NOX4: variants seen among roughly 807,000 people sequenced by gnomAD.
NOX4 encodes NADPH oxidase 4, also known as kidney oxidase-1.
Under a neutral mutation model 87.6 loss-of-function variants are expected in NOX4, and 69 were observed. That is an observed-to-expected ratio of 0.79 (90% CI 0.65 to 0.96). The LOEUF is 0.96. Among genes scored for constraint, NOX4 ranks in the 40% least tolerant of loss-of-function variants. The pLI is 0.00. For synonymous variants in NOX4, 275 were observed against 238.2 expected, an observed-to-expected ratio of 1.15 and a Z score of -1.42; for missense variants, 680 against 681.5, an observed-to-expected ratio of 1.00 and a Z score of 0.02.
intron 2 of NOX4, among the ~76,000 whole-genome samples, chr11:89,460,318 A>C (rs1232365403): frequency 1.3e-5 from 2 of 152,168 alleles, no homozygotes; most frequent in Non-Finnish European, 2.9e-5. Context: ...AATGGGATCT[A>C]ATTAAACTAA....
intron 17 of NOX4, among the ~76,000 whole-genome samples, chr11:89,328,382 C>T (rs1489518856): frequency 6.6e-6 from 1 of 151,994 alleles, no homozygotes; most frequent in Non-Finnish European, 1.5e-5. Context: ...TTCTCAGAAA[C>T]GTATCACCTT....
intron 2 of NOX4, among the ~76,000 whole-genome samples, chr11:89,476,540 T>C (rs1283671662): frequency 6.9e-6 from 1 of 144,330 alleles, no homozygotes; most frequent in Non-Finnish European, 1.5e-5. Flanking sequence ...CCAACTCCTA[T>C]AACAAGTAAC....
At chr11:89,572,831 G>A in the NOX4 span, among the ~76,000 whole-genome samples, 1 of 152,018 alleles carries the variant, frequency 6.6e-6, no homozygotes, top group Non-Finnish European at 1.5e-5. Flanking sequence ...GATAACAACT[G>A]TCTTTATTTA....
At chr11:89,418,548 C>T (rs1366849294) in intron 8 of NOX4, among the ~76,000 whole-genome samples, 5 of 151,026 alleles carry the variant, frequency 3.3e-5, no homozygotes, top group African/African-American at 7.3e-5. Context: ...TTAATATATT[C>T]GAAGAGACAG....
At chr11:89,395,507 A>G (rs1457185059) in intron 11 of NOX4, among the ~76,000 whole-genome samples, 1 of 152,136 alleles carries the variant, frequency 6.6e-6, no homozygotes, top group Non-Finnish European at 1.5e-5. Context: ...CTTTAGTTTA[A>G]TTAGATCCCA....
intron 2 of NOX4, among the ~76,000 whole-genome samples, chr11:89,478,564 T>G (rs1946261621): frequency 6.6e-6 from 1 of 152,162 alleles, no homozygotes; most frequent in South Asian, 2.1e-4. Context: ...AGCAGACACT[T>G]GATTTTATCA....
At chr11:89,449,679 G>C (rs1309579526) in intron 3 of NOX4, among the ~76,000 whole-genome samples, 155 bp from the exon 4 acceptor site, 1 of 151,870 alleles carries the variant, frequency 6.6e-6, no homozygotes, top group Non-Finnish European at 1.5e-5. Flanking sequence ...TCTAGTTAAT[G>C]GGACACCTAA....
chr11:89,392,424 G>A (rs192548873), intron 11 of NOX4, among the ~76,000 whole-genome samples: 1 of 152,124 alleles, frequency 6.6e-6, no homozygotes, highest in African/African-American at 2.4e-5. Flanking sequence ...GTGAGGTGAG[G>A]AAAAGCTCTC....
At chr11:89,507,994 T>C in the NOX4 span, among the ~76,000 whole-genome samples, 5 of 152,012 alleles carry the variant, frequency 3.3e-5, no homozygotes, top group Non-Finnish European at 7.4e-5. Context: ...TCATAGTTTA[T>C]ATAGAAGGAG....
At chr11:89,429,352 C>T (rs559438272) in intron 7 of NOX4, among the ~76,000 whole-genome samples, 195 of 152,108 alleles carry the variant, frequency 1.3e-3, no homozygotes, top group Non-Finnish European at 2.3e-3. Flanking sequence ...CAAGAAATAA[C>T]TAAGATCAGA....
chr11:89,350,660 A>C (rs1440462038), intron 13 of NOX4, among the ~76,000 whole-genome samples: 1 of 152,212 alleles, frequency 6.6e-6, no homozygotes, highest in African/African-American at 2.4e-5. Flanking sequence ...AAAAAATATC[A>C]ATGTAGATAC....
chr11:89,565,116 T>C, the NOX4 span, among the ~76,000 whole-genome samples: 5 of 152,208 alleles, frequency 3.3e-5, no homozygotes, highest in Non-Finnish European at 7.3e-5. Flanking sequence ...CTTAAAATAT[T>C]GAGTCTTCCT....
At chr11:89,488,908 C>T in intron 2 of NOX4, 1 of 654,946 alleles carries the variant, frequency 1.5e-6, no homozygotes. Context: ...GTTGGTTTTT[C>T]CATTATATTG....
At chr11:89,395,329 TG>T (rs1454636010) in intron 11 of NOX4, among the ~76,000 whole-genome samples, 1 of 152,196 alleles carries the variant, frequency 6.6e-6, no homozygotes, top group African/African-American at 2.4e-5. Flanking sequence ...TCATATTCTT[TG>T]CCCACTTTAT....
Position 89,324,893 on chromosome 11 carries a change from G to T in NOX4, c.*1863C>A, listed in dbSNP as rs1170468259. 6.6e-6 allele frequency: 1 copy of T among 152,068 alleles called. No homozygotes were observed. The highest frequency in any genetic ancestry group is 1.5e-5 in the Non-Finnish European group (1 of 67,996). 9.4% of individuals were successfully genotyped at this position (152,068 alleles called of 1,614,324 possible). On this transcript the variant is annotated 3_prime_UTR_variant, in exon 18 of 18. Coordinates refer to ENST00000263317, the MANE Select transcript of NOX4 (RefSeq NM_016931.5). Reference sequence around the variant, plus strand: ...GAAAGGAGAATTTCAAGGAAAGGAAGAAATATCTACAAGTAAATATCATTC... The same window carrying T: ...GAAAGGAGAATTTCAAGGAAAGGAATAAATATCTACAAGTAAATATCATTC...
the NOX4 span, among the ~76,000 whole-genome samples, chr11:89,528,905 C>A: frequency 6.6e-6 from 1 of 152,122 alleles, no homozygotes; most frequent in East Asian, 1.9e-4. Flanking sequence ...ATGCTGGATA[C>A]TATTATTATG....
intron 5 of NOX4, among the ~76,000 whole-genome samples, chr11:89,441,947 C>CTATATATA (rs5793404): frequency 5.7e-4 from 78 of 137,988 alleles, no homozygotes; most frequent in African/African-American, 1.7e-3. Context: ...TATGTGTTGA[C>CTATATATA]TATATATATA....
chr11:89,437,458 C>T (rs1944135138), intron 6 of NOX4, among the ~76,000 whole-genome samples: 1 of 152,102 alleles, frequency 6.6e-6, no homozygotes, highest in African/African-American at 2.4e-5. Context: ...AAACAGATGC[C>T]TTAGGAGCTC....
At chr11:89,392,546 G>A (rs1313972975) in intron 11 of NOX4, among the ~76,000 whole-genome samples, 4 of 152,122 alleles carry the variant, frequency 2.6e-5, no homozygotes, top group African/African-American at 7.2e-5. Flanking sequence ...AGATTCCACA[G>A]GGGGAAAGAA....
Sources: allele counts gnomAD v4.1 joint callset (sites outside exome capture counted in the v4.1 genomes callset), GRCh38; gene constraint gnomAD v4.1.1; transcripts MANE v1.5; gene names NCBI Gene and HGNC (gene_info 2026-07-23, HGNC 2026-07-21).